MINDY2: variants seen among roughly 807,000 people sequenced by gnomAD.
The protein encoded by MINDY2 is ubiquitin carboxyl-terminal hydrolase MINDY-2.
A neutral mutation model predicts 68.2 loss-of-function variants in MINDY2; 52 were observed. The observed-to-expected ratio is 0.76, with a 90% CI of 0.61 to 0.96. The LOEUF (loss-of-function observed/expected upper bound fraction) is 0.96, where lower values mean the gene tolerates loss of function less well. MINDY2 is among the 40% of genes least tolerant of loss of function. The probability of loss-of-function intolerance (pLI) is 0.00; values close to 1 mark genes in which losing one functional copy is unlikely to be tolerated. For synonymous variants in MINDY2, 372 were observed against 303.0 expected (o/e 1.23, Z -2.36); for missense variants, 881 against 773.4 (o/e 1.14, Z -1.65).
chr15:58,823,511 A>G (rs946907627), intron 5 of MINDY2, among the ~76,000 whole-genome samples: 3 of 151,928 alleles, frequency 2.0e-5, no homozygotes, highest in Admixed American at 2.0e-4. Context: ...CCATCTCTAA[A>G]AAATAAAAAT....
At chr15:58,812,989 T>C (rs904493808) in intron 4 of MINDY2, among the ~76,000 whole-genome samples, 2 of 152,238 alleles carry the variant, frequency 1.3e-5, no homozygotes, top group Admixed American at 1.3e-4. Flanking sequence ...TCTTAACCCC[T>C]GACAACCACT....
intron 2 of MINDY2, among the ~76,000 whole-genome samples, chr15:58,797,063 G>A (rs1356470541): frequency 2.0e-5 from 3 of 152,150 alleles, no homozygotes; most frequent in African/African-American, 4.8e-5. Context: ...TGGTTATTGA[G>A]TCCTTGAAAT....
chr15:58,861,635 A>C lies in MINDY2; in HGVS notation c.*7025A>C, dbSNP rs1476272638. 6.6e-6 allele frequency: 1 copy of C among 152,216 alleles called. No homozygotes were observed. Among genetic ancestry groups the C allele is most frequent in the East Asian group, 1.9e-4 (1 of 5,204 alleles). 9.4% of individuals were successfully genotyped at this position (152,216 alleles called of 1,614,324 possible). ...CTTAATTCTTAAAAACAATGTCATC[A>C]GTTTCAAAACTTTCACTTTGGGAGG... On this transcript the variant is annotated 3_prime_UTR_variant, in exon 9 of 9. Coordinates refer to ENST00000559228, the MANE Select transcript of MINDY2 (RefSeq NM_001040450.3).
chr15:58,805,580 G>C (rs1187945855), intron 3 of MINDY2, among the ~76,000 whole-genome samples: 1 of 152,108 alleles, frequency 6.6e-6, no homozygotes, highest in East Asian at 1.9e-4. Flanking sequence ...TTTGAAAAGA[G>C]TTCTAAGAAA....
chr15:58,791,071 T>C (rs1255097898), intron 2 of MINDY2, among the ~76,000 whole-genome samples: 1 of 149,168 alleles, frequency 6.7e-6, no homozygotes, highest in Non-Finnish European at 1.5e-5. Context: ...TCCCAACTAC[T>C]CGGGAGGCTG....
intron 6 of MINDY2, among the ~76,000 whole-genome samples, chr15:58,832,437 C>T (rs755375372): frequency 8.6e-5 from 13 of 151,626 alleles, no homozygotes; most frequent in Non-Finnish European, 1.8e-4. Context: ...CCATGTTGGT[C>T]AGGCTGGTGT....
At chr15:58,820,574 T>C (rs1459795118) in intron 4 of MINDY2, among the ~76,000 whole-genome samples, 1 of 152,200 alleles carries the variant, frequency 6.6e-6, no homozygotes, top group Non-Finnish European at 1.5e-5. Flanking sequence ...GTTAAGAGGC[T>C]TTTAGTATTG....
chr15:58,793,692 G>C (rs1294004047), intron 2 of MINDY2, among the ~76,000 whole-genome samples: 1 of 152,112 alleles, frequency 6.6e-6, no homozygotes. Context: ...ATGGTAATAG[G>C]AGGAAAGACA....
chr15:58,810,124 A>G, intron 3 of MINDY2, 106 bp from the exon 4 acceptor site: 1 of 1,024,612 alleles, frequency 9.8e-7, no homozygotes. Flanking sequence ...AATTGAATTT[A>G]TTGGATAAAA....
At chr15:58,851,696 T>C (rs1271887512) in intron 7 of MINDY2, 75 bp from the exon 8 acceptor site, 15 of 1,114,118 alleles carry the variant, frequency 1.3e-5, no homozygotes, top group East Asian at 1.1e-4. Flanking sequence ...TTTATAGATA[T>C]AACGTTTGTA....
chr15:58,796,192 G>T (rs1448925765), intron 2 of MINDY2: 2 of 453,984 alleles, frequency 4.4e-6, no homozygotes, highest in Non-Finnish European at 4.4e-6. Context: ...AGGCTTAATG[G>T]AGAACATGTG....
intron 2 of MINDY2, among the ~76,000 whole-genome samples, chr15:58,792,865 G>A (rs935322912): frequency 1.3e-5 from 2 of 152,288 alleles, no homozygotes; most frequent in East Asian, 3.9e-4. Context: ...TAGCCAGGCT[G>A]GTGGTGCGTG....
intron 2 of MINDY2, among the ~76,000 whole-genome samples, chr15:58,800,054 C>T (rs1355252469): frequency 2.6e-5 from 4 of 152,132 alleles, no homozygotes; most frequent in Non-Finnish European, 5.9e-5. Context: ...CGCTATAAAG[C>T]GAGGTCAATG....
Position 58,840,664 on chromosome 15 carries a change from A to G in MINDY2, c.1369-6633A>G, listed in dbSNP as rs1018113994. 3.2e-4 allele frequency among the ~76,000 whole-genome samples: 43 copies of G among 132,978 alleles called. No individual in the cohort carries two copies. In the East Asian group the frequency reaches 7.0e-3, roughly 22 times the overall value. The allele number at this position is 132,978 out of a possible 152,430, so 87.2% of individuals were successfully genotyped here. A position where few individuals can be genotyped will look rare whatever the true frequency, so the allele number is the denominator to read the frequency against. Reference sequence around the variant, plus strand: ...TATTATTATTATTATTATTATTATTATTATTATTTTGAGATGGAGTCTTTC... The same window carrying G: ...TATTATTATTATTATTATTATTATTGTTATTATTTTGAGATGGAGTCTTTC... On this transcript the variant is annotated intron_variant, in intron 6 of 8. Transcript: ENST00000559228.
At chr15:58,811,871 A>C (rs896770192) in intron 4 of MINDY2, among the ~76,000 whole-genome samples, 4 of 152,222 alleles carry the variant, frequency 2.6e-5, no homozygotes, top group Non-Finnish European at 5.9e-5. Context: ...AATAGGTTAG[A>C]GTCTTCTCTT....
chr15:58,800,986 GT>G (rs1902607026), intron 2 of MINDY2, among the ~76,000 whole-genome samples: 1 of 151,920 alleles, frequency 6.6e-6, no homozygotes, highest in African/African-American at 2.4e-5. Context: ...ATTTGTTTTT[GT>G]TTTTGAGACA....
At chr15:58,801,120 C>T (rs1902621714) in intron 2 of MINDY2, among the ~76,000 whole-genome samples, 1 of 151,924 alleles carries the variant, frequency 6.6e-6, no homozygotes, top group African/African-American at 2.4e-5. Flanking sequence ...ACTACAGGTG[C>T]ATGCCACTAC....
In MINDY2 at chr15:58,859,347, T is replaced by A. The variant is rs561398770; in HGVS notation, c.*4737T>A. 2 of 152,138 alleles carry A rather than the reference T, an allele frequency of 1.3e-5. No individual in the cohort carries two copies. Among genetic ancestry groups the A allele is most frequent in the Non-Finnish European group, 2.9e-5 (2 of 67,972 alleles). 9.4% of individuals were successfully genotyped at this position (152,138 alleles called of 1,614,324 possible). On this transcript the variant is annotated 3_prime_UTR_variant, in exon 9 of 9. Transcript: ENST00000559228. The stretch of plus-strand genomic sequence containing the variant: ...ATACAGTATATAAACTTCGTTTGCA[T>A]TGGTGGAATTCATTTAGATCTCTCA...
intron 6 of MINDY2, among the ~76,000 whole-genome samples, chr15:58,842,520 A>G (rs2032331988): frequency 6.6e-6 from 1 of 152,174 alleles, no homozygotes; most frequent in Non-Finnish European, 1.5e-5. Context: ...AAGCTGGTTG[A>G]TATATCAAAA....
Sources: gnomAD v4.1 joint callset for allele counts (sites outside exome capture counted in the v4.1 genomes callset) on GRCh38, gnomAD v4.1.1 for gene constraint, MANE v1.5 for transcripts, NCBI Gene and HGNC (gene_info 2026-07-23, HGNC 2026-07-21) for gene names.